SPAG16: variants seen among roughly 807,000 people sequenced by gnomAD.
SPAG16 encodes sperm associated antigen 16, also known as sperm-associated antigen 16 protein.
In SPAG16, 86 loss-of-function variants were observed where a neutral mutation model predicts 80.4. The observed-to-expected ratio is 1.07, with a 90% confidence interval of 0.90 to 1.28. The LOEUF (loss-of-function observed/expected upper bound fraction) is 1.28. Among genes scored for constraint, SPAG16 ranks in the 50% most tolerant of loss-of-function variants. The pLI, the probability that SPAG16 is intolerant of heterozygous loss-of-function variation, is 0.00. For synonymous variants in SPAG16, 294 were observed against 265.9 expected (o/e 1.11, Z -1.03); for missense variants, 870 against 765.3 (o/e 1.14, Z -1.61).
intron 15 of SPAG16, among the ~76,000 whole-genome samples, chr2:214,169,186 A>C (rs757899399): frequency 1.3e-5 from 2 of 152,072 alleles, no homozygotes; most frequent in Non-Finnish European, 2.9e-5. Flanking sequence ...TAAATTGAAA[A>C]AGTCATTATT....
At chr2:214,166,835 T>C (rs1271852269) in intron 15 of SPAG16, among the ~76,000 whole-genome samples, 1 of 151,946 alleles carries the variant, frequency 6.6e-6, no homozygotes, top group Non-Finnish European at 1.5e-5. Flanking sequence ...ATTAAGAAAA[T>C]CAAGTAAAAA....
intron 10 of SPAG16, among the ~76,000 whole-genome samples, chr2:213,537,295 T>C (rs2076285587): frequency 6.6e-6 from 1 of 151,888 alleles, no homozygotes; most frequent in South Asian, 2.1e-4. Flanking sequence ...ACATGTACCC[T>C]AAAACTTAAA....
chr2:213,726,837 C>A (rs930364532), intron 10 of SPAG16, among the ~76,000 whole-genome samples: 1 of 152,176 alleles, frequency 6.6e-6, no homozygotes, highest in East Asian at 1.9e-4. Flanking sequence ...ATGTCAAAGA[C>A]AAATGTCAGA....
At chr2:213,770,007 T>C (rs992904830) in intron 10 of SPAG16, among the ~76,000 whole-genome samples, 1 of 152,206 alleles carries the variant, frequency 6.6e-6, no homozygotes, top group Non-Finnish European at 1.5e-5. Context: ...CAATATGTAC[T>C]GTTTTGTCCC....
chr2:213,760,665 T>C (rs1034331845), intron 10 of SPAG16, among the ~76,000 whole-genome samples: 4 of 152,356 alleles, frequency 2.6e-5, no homozygotes. Flanking sequence ...TAAGTCTCAT[T>C]AGATTGAAAA....
chr2:213,971,879 G>T (rs10207706), intron 12 of SPAG16, among the ~76,000 whole-genome samples: 104,007 of 148,188 alleles, frequency 0.7, 36,066 homozygotes, highest in South Asian at 0.83. Flanking sequence ...TTGTTTTTTG[G>T]TTTTTTTTTT....
At chr2:213,352,168 T>A (rs1319967797) in intron 7 of SPAG16, among the ~76,000 whole-genome samples, 1 of 152,064 alleles carries the variant, frequency 6.6e-6, no homozygotes, top group Non-Finnish European at 1.5e-5. Context: ...CTTTTTTTTT[T>A]TTTAATATAT....
intron 10 of SPAG16, among the ~76,000 whole-genome samples, chr2:213,798,394 C>T (rs1345666116): frequency 6.6e-6 from 1 of 151,832 alleles, no homozygotes; most frequent in Non-Finnish European, 1.5e-5. Flanking sequence ...GCTGGGATTA[C>T]AGGTGCCCAT....
intron 9 of SPAG16, among the ~76,000 whole-genome samples, chr2:213,413,394 A>G (rs1299526881): frequency 6.6e-6 from 1 of 152,104 alleles, no homozygotes; most frequent in Admixed American, 6.5e-5. Flanking sequence ...TCATAGTTTT[A>G]TATGTGTGCA....
chr2:213,952,395 A>G (rs1257678640), intron 12 of SPAG16, among the ~76,000 whole-genome samples: 1 of 152,054 alleles, frequency 6.6e-6, no homozygotes, highest in South Asian at 2.1e-4. Flanking sequence ...ATAGAATGCT[A>G]TGCCTTCCAT....
intron 10 of SPAG16, among the ~76,000 whole-genome samples, chr2:213,609,636 T>C (rs1443107095): frequency 1.3e-5 from 2 of 152,172 alleles, no homozygotes; most frequent in South Asian, 2.1e-4. Context: ...TTCTATTATA[T>C]AGGAGCTGTC....
chr2:213,286,698 G>A (rs552156589), intron 1 of SPAG16, among the ~76,000 whole-genome samples: 20 of 152,308 alleles, frequency 1.3e-4, no homozygotes, highest in African/African-American at 4.8e-4. Flanking sequence ...ATTTGGCCTG[G>A]ATTTCCCTTA....
chr2:213,398,410 A>C (rs899172382), intron 9 of SPAG16, among the ~76,000 whole-genome samples: 4 of 151,652 alleles, frequency 2.6e-5, no homozygotes, highest in African/African-American at 9.7e-5. Context: ...GATCCCTTTT[A>C]CCTCTCTGAC....
At chr2:213,858,008 A>G (rs1324420490) in intron 10 of SPAG16, among the ~76,000 whole-genome samples, 3 of 152,238 alleles carry the variant, frequency 2.0e-5, no homozygotes, top group Non-Finnish European at 4.4e-5. Flanking sequence ...TTCAATTGCT[A>G]CAATTTTATG....
chr2:213,358,412 G>T (rs2065790589), intron 7 of SPAG16, among the ~76,000 whole-genome samples: 1 of 152,046 alleles, frequency 6.6e-6, no homozygotes, highest in Admixed American at 6.5e-5. Flanking sequence ...TGTAGATTTG[G>T]TCTTTTCACA....
intron 10 of SPAG16, among the ~76,000 whole-genome samples, chr2:213,771,417 A>G (rs2069241653): frequency 6.6e-6 from 1 of 152,086 alleles, no homozygotes; most frequent in Non-Finnish European, 1.5e-5. Context: ...GTTCACTCTG[A>G]TGATGGTTTC....
intron 3 of SPAG16, among the ~76,000 whole-genome samples, chr2:213,307,063 T>C (rs887095754): frequency 6.6e-6 from 1 of 152,192 alleles, no homozygotes; most frequent in Admixed American, 6.5e-5. Flanking sequence ...TTTTGAACTT[T>C]ACAAAAGTAA....
At chr2:213,310,824 T>C (rs1321822607) in intron 4 of SPAG16, among the ~76,000 whole-genome samples, 1 of 151,816 alleles carries the variant, frequency 6.6e-6, no homozygotes. Context: ...TTTCCTGACA[T>C]TGTTTAAATA....
intron 13 of SPAG16, among the ~76,000 whole-genome samples, chr2:214,043,896 A>C (rs781422145): frequency 6.6e-6 from 1 of 152,152 alleles, no homozygotes; most frequent in Non-Finnish European, 1.5e-5. Context: ...ACACACAAGC[A>C]TATGTATACA....
Sources: gnomAD v4.1 joint callset for allele counts (sites outside exome capture counted in the v4.1 genomes callset) on GRCh38, gnomAD v4.1.1 for gene constraint, MANE v1.5 for transcripts, NCBI Gene and HGNC (gene_info 2026-07-23, HGNC 2026-07-21) for gene names.